Variants in GRIK2 observed in about 807,000 individuals in gnomAD.
The protein encoded by GRIK2 is glutamate receptor ionotropic, kainate 2.
GRIK2 carries 32 observed loss-of-function variants against 100.3 expected under a neutral mutation model. The ratio of observed to expected loss-of-function variants is 0.32; its 90% CI spans 0.24 to 0.43. The LOEUF is 0.43. GRIK2 is among the 20% of genes least tolerant of loss of function. The probability of loss-of-function intolerance (pLI) is 1.00; values close to 1 mark genes in which losing one functional copy is unlikely to be tolerated. For synonymous variants in GRIK2, 417 were observed against 389.4 expected (o/e 1.07, Z -0.83); for missense variants, 843 against 1,114.9 (o/e 0.76, Z 3.47).
chr6:102,044,545 C>T (rs1016460808), intron 15 of GRIK2, among the ~76,000 whole-genome samples: 1 of 151,948 alleles, frequency 6.6e-6, no homozygotes, highest in African/African-American at 2.4e-5. Context: ...AGCAGAAACT[C>T]TTGATGAAAC....
Position 101,890,724 on chromosome 6 carries a change from G to A in GRIK2, c.1748+861G>A, listed in dbSNP as rs930049153. 5.3e-5 allele frequency among the ~76,000 whole-genome samples: 8 copies of A among 151,404 alleles called. No homozygotes were observed. The South Asian group carries it at 1.7e-3, about 32-fold the overall frequency. On this transcript the variant is annotated intron_variant, in intron 12 of 16. Transcript: ENST00000369134. ...TAAATTTATAATCATGTTTATTTAT[G>A]CCTACCTCACTATCAAACTTTCAAC...
chr6:101,868,910 C>T (rs1554277404), intron 11 of GRIK2, among the ~76,000 whole-genome samples: 2 of 151,566 alleles, frequency 1.3e-5, no homozygotes, highest in Non-Finnish European at 2.9e-5. Flanking sequence ...ACATACAAAC[C>T]CTGGGTGAGA....
chr6:101,562,586 G>A lies in GRIK2; in HGVS notation c.116-59363G>A, dbSNP rs538251942. On this transcript the variant is annotated intron_variant, in intron 2 of 16. Coordinates refer to ENST00000369134, the MANE Select transcript of GRIK2 (RefSeq NM_021956.5). ...TTGAATTTCTGATCTCAAGTGATCC[G>A]CCTGCCTCGGCCTCCCAAAGTGCTG... is the stretch of plus-strand genomic sequence containing the variant. Among the ~76,000 whole-genome samples the A allele has an allele frequency of 3.9e-5, 6 of 151,914 alleles. No homozygotes were observed. In the East Asian group the frequency reaches 5.8e-4, roughly 15 times the overall value.
rs926712758 is a variant in GRIK2, at chr6:101,823,511, C to T, written c.1317+5028C>T. Among the ~76,000 whole-genome samples, 11 of 151,942 alleles carry T rather than the reference C, an allele frequency of 7.2e-5. No homozygotes were observed. The East Asian group carries it at 9.7e-4, about 13-fold the overall frequency. On this transcript the variant is annotated intron_variant, in intron 10 of 16. Coordinates refer to ENST00000369134, the MANE Select transcript of GRIK2 (RefSeq NM_021956.5). ...CTCTTTCATCTTTGAATTTCAAGTT[C>T]GGTTGTTGTTAAAATTCTCTGTTTT...
chr6:101,922,093 T>TTCCTTCCG (rs1554286839), intron 12 of GRIK2, among the ~76,000 whole-genome samples: 17 of 24,986 alleles, frequency 6.8e-4, no homozygotes, highest in African/African-American at 3.0e-3. Context: ...CCTTCCTTCC[T>TTCCTTCCG]TCCTTCCTTC....
At chr6:101,956,242 ACTAAGTC>A (rs1791930100) in intron 14 of GRIK2, among the ~76,000 whole-genome samples, 1 of 152,110 alleles carries the variant, frequency 6.6e-6, no homozygotes, top group Non-Finnish European at 1.5e-5. Context: ...AAAACTTATG[ACTAAGTC>A]CTCATTTCTA....
chr6:101,702,234 T>C (rs1386137779), intron 7 of GRIK2, among the ~76,000 whole-genome samples: 2 of 152,046 alleles, frequency 1.3e-5, no homozygotes, highest in African/African-American at 2.4e-5. Flanking sequence ...TATTCTTGTT[T>C]CACTTAAAAG....
chr6:101,492,369 T>G (rs1312544481), intron 2 of GRIK2, among the ~76,000 whole-genome samples: 1 of 151,862 alleles, frequency 6.6e-6, no homozygotes, highest in African/African-American at 2.4e-5. Flanking sequence ...AATTACCAAC[T>G]TCAGAGAAAG....
chr6:102,038,498 T>A lies in GRIK2; in HGVS notation c.2311+2932T>A, dbSNP rs1020155842. The stretch of plus-strand genomic sequence containing the variant: ...TATTTATTTGTCTCTCTTTTGCTGT[T>A]CATTGTTTCAGCCACTATCATAATC... On this transcript the variant is annotated intron_variant, in intron 15 of 16. Transcript: ENST00000369134. Among the ~76,000 whole-genome samples, 3 of 151,430 alleles carry A rather than the reference T, an allele frequency of 2.0e-5. No individual in the cohort carries two copies. In the East Asian group the frequency reaches 5.8e-4, roughly 29 times the overall value.
chr6:101,815,240 A>G (rs1201917782), intron 9 of GRIK2, among the ~76,000 whole-genome samples: 1 of 152,202 alleles, frequency 6.6e-6, no homozygotes, highest in Non-Finnish European at 1.5e-5. Context: ...GGGTGTATTC[A>G]TAGGATCAAA....
chr6:101,676,157 G>T (rs1582940729), intron 4 of GRIK2, among the ~76,000 whole-genome samples: 1 of 152,132 alleles, frequency 6.6e-6, no homozygotes, highest in South Asian at 2.1e-4. Context: ...ACGTGTAAAC[G>T]CACAGAACGT....
intron 4 of GRIK2, among the ~76,000 whole-genome samples, chr6:101,659,393 G>A (rs369115911): frequency 5.9e-5 from 9 of 152,116 alleles, no homozygotes; most frequent in East Asian, 1.9e-4. Context: ...TACCAGTACC[G>A]TGCTCTTTTG....
chr6:101,561,775 A>G (rs1225693904), intron 2 of GRIK2, among the ~76,000 whole-genome samples: 1 of 152,196 alleles, frequency 6.6e-6, no homozygotes, highest in African/African-American at 2.4e-5. Flanking sequence ...GGTTATAGAA[A>G]TATTTCACAA....
chr6:102,052,218 T>G (rs1771235956), intron 15 of GRIK2, among the ~76,000 whole-genome samples: 1 of 152,178 alleles, frequency 6.6e-6, no homozygotes, highest in Non-Finnish European at 1.5e-5. Context: ...TAATAATTCA[T>G]TTTTAATTAC....
chr6:101,822,783 C>A (rs985460251), intron 10 of GRIK2, among the ~76,000 whole-genome samples: 1 of 151,752 alleles, frequency 6.6e-6, no homozygotes, highest in African/African-American at 2.4e-5. Flanking sequence ...GTTTATACAG[C>A]CTAAGTATTT....
At chr6:101,745,851 G>A (rs993219124) in intron 7 of GRIK2, among the ~76,000 whole-genome samples, 7 of 152,196 alleles carry the variant, frequency 4.6e-5, no homozygotes, top group African/African-American at 1.7e-4. Context: ...TTCACCATAT[G>A]AGAATCTTAG....
At chr6:101,901,363 G>A (rs1787836186) in intron 12 of GRIK2, among the ~76,000 whole-genome samples, 1 of 151,814 alleles carries the variant, frequency 6.6e-6, no homozygotes, top group Non-Finnish European at 1.5e-5. Flanking sequence ...ATAGAATCCA[G>A]TTTTGAATGT....
intron 14 of GRIK2, among the ~76,000 whole-genome samples, chr6:101,989,808 T>G (rs1181280840): frequency 6.6e-6 from 1 of 151,616 alleles, no homozygotes; most frequent in African/African-American, 2.4e-5. Context: ...CTCATTGATA[T>G]GCAATAAATA....
chr6:102,054,644 A>G (rs1044957940), intron 15 of GRIK2, among the ~76,000 whole-genome samples: 62 of 152,234 alleles, frequency 4.1e-4, no homozygotes, highest in African/African-American at 1.4e-3. Context: ...CACTGGAAAA[A>G]AACAAAATAA....
Sources: allele counts gnomAD v4.1 joint callset (sites outside exome capture counted in the v4.1 genomes callset), GRCh38; gene constraint gnomAD v4.1.1; transcripts MANE v1.5; gene names NCBI Gene and HGNC (gene_info 2026-07-23, HGNC 2026-07-21).